The following NTM variants were observed in gnomAD, a reference collection of about 807,000 sequenced individuals.
NTM encodes the protein IgLON family member 2.
Under a neutral mutation model 42.1 loss-of-function variants are expected in NTM, and 13 were observed. That is an observed-to-expected ratio of 0.31 (90% CI 0.20 to 0.49). The LOEUF is 0.49. Among genes scored for constraint, NTM ranks in the 20% least tolerant of loss-of-function variants. NTM has a pLI of 0.99. For missense variants in NTM, 373 were observed against 452.8 expected (o/e 0.82, Z 1.60); for synonymous variants, 187 against 179.2 (o/e 1.04, Z -0.35).
In NTM at chr11:131,951,299, G is replaced by A. The variant is rs1005536217; in HGVS notation, c.167+39651G>A. Among the ~76,000 whole-genome samples the A allele has an allele frequency of 2.6e-5, 4 of 152,100 alleles. No homozygotes were observed. The East Asian group carries it at 7.7e-4, about 29-fold the overall frequency. Reference sequence around the variant, plus strand: ...TGGCCTTGAGCCTTCTCGGCAGATGGACCATGTTTGTGCCTTAGCCACTTA... The same window carrying A: ...TGGCCTTGAGCCTTCTCGGCAGATGAACCATGTTTGTGCCTTAGCCACTTA... On this transcript the variant is annotated intron_variant, in intron 2 of 8. Coordinates refer to ENST00000683400, the MANE Select transcript of NTM (RefSeq NM_001352005.2).
At chr11:131,463,541 A>G (rs1951605963) in intron 1 of NTM, among the ~76,000 whole-genome samples, 2 of 152,240 alleles carry the variant, frequency 1.3e-5, no homozygotes, top group South Asian at 4.1e-4. Flanking sequence ...AGTCAATGAC[A>G]GCTGCTAGTA....
chr11:132,237,784 G>T (rs915198962), intron 4 of NTM, among the ~76,000 whole-genome samples: 7 of 152,210 alleles, frequency 4.6e-5, no homozygotes, highest in Admixed American at 6.5e-5. Flanking sequence ...CGCGCAGAGA[G>T]ATTTGGAGTT....
chr11:132,244,474 C>A (rs959681672), intron 4 of NTM, among the ~76,000 whole-genome samples: 6 of 152,216 alleles, frequency 3.9e-5, no homozygotes, highest in Non-Finnish European at 8.8e-5. Flanking sequence ...TACCAATCTT[C>A]ATTTTAAATG....
At chr11:132,073,545 G>A (rs2057979610) in intron 2 of NTM, among the ~76,000 whole-genome samples, 1 of 152,170 alleles carries the variant, frequency 6.6e-6, no homozygotes, top group Admixed American at 6.5e-5. Flanking sequence ...GAGGAATATA[G>A]GGCCAGTTAA....
chr11:131,581,957 G>T (rs1471695756), intron 1 of NTM: 4 of 152,148 alleles, frequency 2.6e-5, no homozygotes, highest in African/African-American at 4.8e-5. Flanking sequence ...TTCCCAGAGA[G>T]GGTGCCCTGC....
chr11:131,766,403 G>A (rs1284756070), intron 1 of NTM, among the ~76,000 whole-genome samples: 1 of 152,108 alleles, frequency 6.6e-6, no homozygotes, highest in East Asian at 1.9e-4. Context: ...AGGTGCAGAG[G>A]GCGATGCGAC....
intron 1 of NTM, chr11:131,910,856 C>T (rs1472634656): frequency 2.2e-5 from 22 of 985,076 alleles, no homozygotes; most frequent in Middle Eastern, 5.2e-4. Flanking sequence ...GGAAGTTGAC[C>T]GAGGCGGCTG....
At chr11:131,519,131 C>T (rs2049265055) in intron 1 of NTM, among the ~76,000 whole-genome samples, 1 of 152,210 alleles carries the variant, frequency 6.6e-6, no homozygotes, top group African/African-American at 2.4e-5. Context: ...ATGCGCTCTC[C>T]TCAGGGCCAC....
intron 2 of NTM, among the ~76,000 whole-genome samples, chr11:132,114,691 A>G (rs2063651290): frequency 1.3e-5 from 2 of 152,348 alleles, no homozygotes; most frequent in South Asian, 4.1e-4. Context: ...TCTAGGGGGA[A>G]GGATCTTGGA....
chr11:132,100,148 T>C (rs74946540), intron 2 of NTM, among the ~76,000 whole-genome samples: 2,033 of 152,364 alleles, frequency 0.013, 25 homozygotes, highest in Non-Finnish European at 0.02. Flanking sequence ...TATATTTGCA[T>C]GTTTTTAACA....
At chr11:132,312,233 A>G (rs1343762080) in intron 6 of NTM, among the ~76,000 whole-genome samples, 1 of 152,140 alleles carries the variant, frequency 6.6e-6, no homozygotes, top group Admixed American at 6.5e-5. Context: ...GCTCTAGCCC[A>G]TCTCCCATTT....
At chr11:131,874,765 C>T (rs940273556) in intron 1 of NTM, among the ~76,000 whole-genome samples, 1 of 152,168 alleles carries the variant, frequency 6.6e-6, no homozygotes, top group Admixed American at 6.5e-5. Flanking sequence ...AAAGATTAAT[C>T]AGGGCTGTAT....
At chr11:132,118,151 C>T (rs539880776) in intron 2 of NTM, among the ~76,000 whole-genome samples, 1 of 152,266 alleles carries the variant, frequency 6.6e-6, no homozygotes, top group South Asian at 2.1e-4. Context: ...TAGCTTCAAA[C>T]ATGAATTTCT....
rs527788930 is a variant in NTM at position 131,621,636 on chromosome 11, C to CA, written c.82+250773dup. On this transcript the variant is annotated intron_variant, in intron 1 of 8. Transcript: ENST00000683400. ...GCAACATAGTAACACCCTATCTTTA[C>CA]AAAAAAAAAAAAAAAAAAAAAAAAA... 2.8e-3 allele frequency among the ~76,000 whole-genome samples: 279 copies of CA among 98,984 alleles called. 1 individual carries two copies. Among genetic ancestry groups the CA allele is most frequent in the East Asian group, 0.02 (58 of 2,936 alleles). The allele number at this position is 98,984 out of a possible 152,430, so 64.9% of individuals were successfully genotyped here.
chr11:132,036,189 A>C (rs2076493085), intron 2 of NTM, among the ~76,000 whole-genome samples: 1 of 152,196 alleles, frequency 6.6e-6, no homozygotes, highest in Admixed American at 6.5e-5. Context: ...GAGGAAGGAC[A>C]GAAACGAGTT....
intron 2 of NTM, among the ~76,000 whole-genome samples, chr11:131,916,007 G>T (rs1466368660): frequency 6.6e-6 from 1 of 152,202 alleles, no homozygotes; most frequent in Non-Finnish European, 1.5e-5. Flanking sequence ...GCCTGGACTT[G>T]GCTTTTGGGG....
intron 1 of NTM, among the ~76,000 whole-genome samples, chr11:131,894,815 T>G (rs1314177057): frequency 1.3e-5 from 2 of 152,192 alleles, no homozygotes; most frequent in East Asian, 1.9e-4. Context: ...TGACAGATAC[T>G]AGTATGATTG....
At chr11:131,458,043 G>A (rs1369319723) in intron 1 of NTM, among the ~76,000 whole-genome samples, 1 of 152,208 alleles carries the variant, frequency 6.6e-6, no homozygotes, top group Non-Finnish European at 1.5e-5. Flanking sequence ...AATGGACTGA[G>A]GGTATGCAAT....
chr11:131,945,294 G>A (rs527891561), intron 2 of NTM, among the ~76,000 whole-genome samples: 4 of 152,302 alleles, frequency 2.6e-5, no homozygotes, highest in Middle Eastern at 3.4e-3. Context: ...GCATTCAGGG[G>A]TTTAATTTGA....
Sources: gnomAD v4.1 joint callset for allele counts (sites outside exome capture counted in the v4.1 genomes callset) on GRCh38, gnomAD v4.1.1 for gene constraint, MANE v1.5 for transcripts, NCBI Gene and HGNC (gene_info 2026-07-23, HGNC 2026-07-21) for gene names.